The following SPOCK3 variants were observed in gnomAD, a reference collection of about 807,000 sequenced individuals.
The protein encoded by SPOCK3 is SPARC (osteonectin), cwcv and kazal like domains proteoglycan 3.
In SPOCK3, 30 loss-of-function variants were observed where a neutral mutation model predicts 56.6. The observed-to-expected ratio is 0.53, with a 90% confidence interval of 0.40 to 0.72. SPOCK3 has a LOEUF of 0.72. SPOCK3 is among the 30% of genes least tolerant of loss of function. SPOCK3 has a pLI of 0.00. For missense variants in SPOCK3, 527 were observed against 530.0 expected (o/e 0.99, Z 0.06); for synonymous variants, 196 against 183.3 (o/e 1.07, Z -0.56).
At chr4:166,776,124 A>AT (rs1404168711) in intron 7 of SPOCK3, among the ~76,000 whole-genome samples, 1 of 152,016 alleles carries the variant, frequency 6.6e-6, no homozygotes, top group Non-Finnish European at 1.5e-5. Flanking sequence ...GATAAAAAAC[A>AT]TTTTTCTGGG....
At chr4:167,096,267 A>T (rs1309488322) in intron 2 of SPOCK3, among the ~76,000 whole-genome samples, 2 of 151,818 alleles carry the variant, frequency 1.3e-5, no homozygotes, top group Non-Finnish European at 1.5e-5. Context: ...AGCAGTTGTT[A>T]TTTTTTTCTA....
chr4:166,992,289 C>G (rs1224814234), intron 4 of SPOCK3, among the ~76,000 whole-genome samples: 2 of 152,014 alleles, frequency 1.3e-5, no homozygotes, highest in Non-Finnish European at 2.9e-5. Flanking sequence ...TTACCTTATC[C>G]ACATGTTGTT....
intron 2 of SPOCK3, among the ~76,000 whole-genome samples, chr4:167,230,235 C>T (rs1008514536): frequency 2.4e-4 from 36 of 151,522 alleles, no homozygotes; most frequent in African/African-American, 8.5e-4. Context: ...TTCCAAATTC[C>T]ATACTCATTT....
Position 166,951,559 on chromosome 4 carries a change from G to A in SPOCK3, c.351-38816C>T, listed in dbSNP as rs1343467979. Among the ~76,000 whole-genome samples the A allele has an allele frequency of 5.8e-5, 8 of 138,074 alleles. 1 individual carries two copies. Among genetic ancestry groups the A allele is most frequent in the African/African-American group, 9.1e-5 (3 of 32,850 alleles). The allele number at this position is 138,074 out of a possible 152,430, so 90.6% of individuals were successfully genotyped here. A position where few individuals can be genotyped will look rare whatever the true frequency, so the allele number is the denominator to read the frequency against. ...ACTATTCCAATCAATAGAAAAAGAG[G>A]GAATCCTCCCTAACTCATTTTATGA... On this transcript the variant is annotated intron_variant, in intron 4 of 10. Coordinates refer to ENST00000357545, the MANE Select transcript of SPOCK3 (RefSeq NM_001040159.2).
chr4:167,112,766 T>C (rs1158652727), intron 2 of SPOCK3, among the ~76,000 whole-genome samples: 3 of 151,922 alleles, frequency 2.0e-5, no homozygotes, highest in Non-Finnish European at 4.4e-5. Context: ...AGAAATACCA[T>C]GGGGTGTCAT....
chr4:166,980,723 A>G (rs1382292742), intron 4 of SPOCK3, among the ~76,000 whole-genome samples: 1 of 152,238 alleles, frequency 6.6e-6, no homozygotes, highest in Non-Finnish European at 1.5e-5. Context: ...TGGCTGGATC[A>G]GATGTACCGC....
intron 6 of SPOCK3, among the ~76,000 whole-genome samples, chr4:166,874,105 T>A (rs1273072307): frequency 6.6e-6 from 1 of 152,116 alleles, no homozygotes; most frequent in South Asian, 2.1e-4. Context: ...CTTTCCAGAA[T>A]GGTAAAGATA....
At chr4:167,199,219 A>G (rs1461659236) in intron 2 of SPOCK3, among the ~76,000 whole-genome samples, 2 of 141,416 alleles carry the variant, frequency 1.4e-5, no homozygotes, top group Non-Finnish European at 3.0e-5. Flanking sequence ...TATGCTAAAT[A>G]TTTGTTTGTG....
chr4:166,863,678 A>G (rs572880943), intron 6 of SPOCK3, among the ~76,000 whole-genome samples: 2 of 152,266 alleles, frequency 1.3e-5, no homozygotes, highest in East Asian at 3.9e-4. Context: ...AACAAAGATC[A>G]AAAAAGACAA....
At chr4:166,741,779 A>C in intron 9 of SPOCK3, among the ~76,000 whole-genome samples, 1 of 152,324 alleles carries the variant, frequency 6.6e-6, no homozygotes, top group Non-Finnish European at 1.5e-5. Context: ...AATAACTTTC[A>C]AAATGAACAT....
intron 2 of SPOCK3, among the ~76,000 whole-genome samples, chr4:167,065,656 CTTG>C (rs1756054309): frequency 1.3e-5 from 2 of 151,810 alleles, no homozygotes; most frequent in African/African-American, 4.8e-5. Context: ...CATCACTAGA[CTTG>C]TTTTCTTTAA....
intron 2 of SPOCK3, among the ~76,000 whole-genome samples, chr4:167,133,080 T>C (rs182952949): frequency 2.0e-5 from 3 of 152,334 alleles, no homozygotes; most frequent in Non-Finnish European, 2.9e-5. Flanking sequence ...CTCTGAAATA[T>C]GTCCACATCC....
intron 3 of SPOCK3, among the ~76,000 whole-genome samples, chr4:167,054,770 T>C (rs71620412): frequency 0.025 from 3,802 of 152,300 alleles, 78 homozygotes; most frequent in Middle Eastern, 0.061. Flanking sequence ...ATGAAAAATA[T>C]GTCATAGTTA....
At chr4:166,842,551 C>T (rs2126837676) in intron 6 of SPOCK3, among the ~76,000 whole-genome samples, 1 of 152,308 alleles carries the variant, frequency 6.6e-6, no homozygotes, top group African/African-American at 2.4e-5. Context: ...GGTGTGTTTA[C>T]AAACCTTGAG....
chr4:167,157,261 T>C (rs900636998), intron 2 of SPOCK3, among the ~76,000 whole-genome samples: 1 of 152,110 alleles, frequency 6.6e-6, no homozygotes, highest in Non-Finnish European at 1.5e-5. Context: ...TTGTAAGGTT[T>C]ATCTCCCAAG....
At chr4:166,867,121 C>T (rs1731931574) in intron 6 of SPOCK3, among the ~76,000 whole-genome samples, 1 of 151,960 alleles carries the variant, frequency 6.6e-6, no homozygotes, top group South Asian at 2.1e-4. Context: ...ATGAAGGCAT[C>T]ATTTTAATGC....
chr4:167,146,317 C>A (rs1453808380), intron 2 of SPOCK3, among the ~76,000 whole-genome samples: 1 of 152,090 alleles, frequency 6.6e-6, no homozygotes, highest in Non-Finnish European at 1.5e-5. Flanking sequence ...AAAGCAAGTT[C>A]TTAGAGACCT....
intron 2 of SPOCK3, among the ~76,000 whole-genome samples, chr4:167,206,950 T>C (rs926931718): frequency 6.6e-6 from 1 of 152,016 alleles, no homozygotes; most frequent in Non-Finnish European, 1.5e-5. Flanking sequence ...TAGAAGGACA[T>C]GGAATGTTCC....
chr4:166,954,858 A>G (rs1743196454), intron 4 of SPOCK3, among the ~76,000 whole-genome samples: 1 of 152,108 alleles, frequency 6.6e-6, no homozygotes, highest in East Asian at 1.9e-4. Context: ...TCTACTTTCT[A>G]TCTCTGTAGA....
Sources: allele counts gnomAD v4.1 joint callset (sites outside exome capture counted in the v4.1 genomes callset), GRCh38; gene constraint gnomAD v4.1.1; transcripts MANE v1.5; gene names NCBI Gene and HGNC (gene_info 2026-07-23, HGNC 2026-07-21).